ADAMTSL3: variants seen among roughly 807,000 people sequenced by gnomAD.
ADAMTSL3 encodes ADAMTS-like protein 3.
ADAMTSL3 carries 128 observed loss-of-function variants against 201.7 expected under a neutral mutation model. The ratio of observed to expected loss-of-function variants is 0.63; its 90% CI spans 0.55 to 0.73. The LOEUF (loss-of-function observed/expected upper bound fraction) is 0.73. Ranked by LOEUF, ADAMTSL3 falls within the 30% of genes least tolerant of loss-of-function variation. The probability of loss-of-function intolerance (pLI) is 0.00; values close to 1 mark genes in which losing one functional copy is unlikely to be tolerated. For synonymous variants in ADAMTSL3, 738 were observed against 748.4 expected, an observed-to-expected ratio of 0.99 and a Z score of 0.23; for missense variants, 1,990 against 2,119.6, an observed-to-expected ratio of 0.94 and a Z score of 1.20.
chr15:83,735,172 G>A (rs1246888101), intron 3 of ADAMTSL3, among the ~76,000 whole-genome samples: 6 of 152,052 alleles, frequency 3.9e-5, no homozygotes. Flanking sequence ...CCAGAAGTAG[G>A]TGACAAAGAG....
intron 8 of ADAMTSL3, among the ~76,000 whole-genome samples, chr15:83,859,307 T>C (rs72746979): frequency 0.1 from 15,648 of 152,190 alleles, 1,032 homozygotes; most frequent in East Asian, 0.34. Context: ...CCTAAAGACT[T>C]GGAGTCAGCA....
At chr15:84,000,998 CTG>C (rs2067782599) in intron 23 of ADAMTSL3, among the ~76,000 whole-genome samples, 1 of 152,172 alleles carries the variant, frequency 6.6e-6, no homozygotes. Flanking sequence ...GTGAACCAAT[CTG>C]TATTTCAAAA....
chr15:83,770,921 G>T (rs57785172), intron 3 of ADAMTSL3, among the ~76,000 whole-genome samples: 6,756 of 152,136 alleles, frequency 0.044, 466 homozygotes, highest in African/African-American at 0.15. Flanking sequence ...CAAAAAATTA[G>T]CCGGGTGTGG....
At chr15:84,017,849 G>A (rs143883910) in intron 25 of ADAMTSL3, among the ~76,000 whole-genome samples, 164 of 152,286 alleles carry the variant, frequency 1.1e-3, no homozygotes, top group African/African-American at 3.6e-3. Flanking sequence ...TCTGAAGAGG[G>A]AGGCAGTCAC....
chr15:83,833,640 T>C (rs544744676), intron 6 of ADAMTSL3, among the ~76,000 whole-genome samples: 2 of 152,320 alleles, frequency 1.3e-5, no homozygotes, highest in South Asian at 4.1e-4. Flanking sequence ...ACTTTTTATA[T>C]TGGTACAAGT....
intron 19 of ADAMTSL3, among the ~76,000 whole-genome samples, chr15:83,947,398 G>A (rs1275214282): frequency 6.6e-6 from 1 of 152,216 alleles, no homozygotes; most frequent in Non-Finnish European, 1.5e-5. Flanking sequence ...TGGCTTATGA[G>A]TTTGCCTTGG....
At chr15:83,854,555 G>A (rs1202133329) in intron 7 of ADAMTSL3, among the ~76,000 whole-genome samples, 4 of 152,118 alleles carry the variant, frequency 2.6e-5, no homozygotes, top group Admixed American at 2.0e-4. Flanking sequence ...ATAGATCCAT[G>A]TTTCCCTGTA....
At position 83,866,394 on chromosome 15, in the gene ADAMTSL3, T is replaced by C. The variant is rs190134219; in HGVS notation, c.803-4408T>C. On this transcript the variant is annotated intron_variant, in intron 8 of 29. Transcript: ENST00000286744. ...ACAATGATAGACTGGATTAAGAAAA[T>C]GTGGCACATATACACCATGGAATAC... Among the ~76,000 whole-genome samples, 3 of 152,044 alleles carry C rather than the reference T, an allele frequency of 2.0e-5. No individual in the cohort carries two copies. In the East Asian group the frequency reaches 5.8e-4, roughly 29 times the overall value.
intron 16 of ADAMTSL3, among the ~76,000 whole-genome samples, chr15:83,920,945 A>G (rs1009250136): frequency 5.3e-5 from 8 of 152,130 alleles, no homozygotes; most frequent in African/African-American, 1.9e-4. Flanking sequence ...CCCCCCACTT[A>G]TTGTTATATT....
At chr15:83,921,483 A>C (rs1223966373) in intron 16 of ADAMTSL3, among the ~76,000 whole-genome samples, 1 of 152,118 alleles carries the variant, frequency 6.6e-6, no homozygotes, top group Non-Finnish European at 1.5e-5. Flanking sequence ...ATTTTAAAAA[A>C]TCTCTCCTGG....
chr15:84,014,672 A>G lies in ADAMTSL3; in HGVS notation c.4104A>G (p.Ile1368Met), dbSNP rs2068059160. 3.1e-6 allele frequency: 5 copies of G among 1,610,858 alleles called. No homozygotes were observed. In the South Asian group the frequency reaches 4.4e-5, roughly 14 times the overall value. ...AAAATGAAGGAACCTACGTCTGCAT[A>G]GCCACCAATGCTCTTGGAAAGGCAG... ...SLENEGTYVC[I>M]ATNALGKAVA... The change falls in exon 24 of 30, where the codon ATA becomes ATG. Residue 1368 changes from isoleucine (I) to methionine (M), a missense_variant. Coordinates refer to ENST00000286744, the MANE Select transcript of ADAMTSL3 (RefSeq NM_207517.3).
chr15:83,909,465 A>G (rs2401175), intron 15 of ADAMTSL3, among the ~76,000 whole-genome samples: 2 of 152,022 alleles, frequency 1.3e-5, no homozygotes, highest in African/African-American at 2.4e-5. Context: ...GAATCTCTAC[A>G]TGAAGAATCC....
chr15:83,706,348 C>A (rs1472239231), intron 3 of ADAMTSL3, among the ~76,000 whole-genome samples: 1 of 152,154 alleles, frequency 6.6e-6, no homozygotes, highest in African/African-American at 2.4e-5. Context: ...TAAAGCAGAT[C>A]TGAAAAGTGT....
chr15:83,792,501 A>C (rs1354957218), intron 4 of ADAMTSL3, among the ~76,000 whole-genome samples: 1 of 152,154 alleles, frequency 6.6e-6, no homozygotes, highest in Non-Finnish European at 1.5e-5. Context: ...TATTAAAACT[A>C]GAGATATCAG....
chr15:83,919,880 G>T (rs550989466), intron 16 of ADAMTSL3, among the ~76,000 whole-genome samples: 1 of 152,260 alleles, frequency 6.6e-6, no homozygotes, highest in South Asian at 2.1e-4. Flanking sequence ...CAGGGAAAAG[G>T]CTAGTGAGGA....
intron 6 of ADAMTSL3, among the ~76,000 whole-genome samples, chr15:83,837,047 G>A (rs1329989361): frequency 6.6e-6 from 1 of 151,974 alleles, no homozygotes; most frequent in Non-Finnish European, 1.5e-5. Flanking sequence ...CTCATATAAG[G>A]AAGCTTATAA....
chr15:83,682,402 C>G (rs1405877697), intron 2 of ADAMTSL3, among the ~76,000 whole-genome samples: 1 of 152,206 alleles, frequency 6.6e-6, no homozygotes, highest in Non-Finnish European at 1.5e-5. Context: ...CTACTTGTCA[C>G]ACTACCTTAG....
chr15:83,942,886 C>T lies in ADAMTSL3; in HGVS notation c.2311-17C>T. ...AGTGGGCCAAGCCTGCCGCCTCACCCCCTCTTGTCTTCTTAGTGTTCCAGG... is the reference window on the plus strand; with the variant it reads ...AGTGGGCCAAGCCTGCCGCCTCACCTCCTCTTGTCTTCTTAGTGTTCCAGG... On this transcript the variant is annotated splice_polypyrimidine_tract_variant and intron_variant, in intron 18 of 29. Transcript: ENST00000286744. The T allele has an allele frequency of 6.2e-7, 1 of 1,609,124 alleles. No homozygotes were observed.
In ADAMTSL3 at chr15:83,898,120, C is replaced by A. The variant is rs946048898; in HGVS notation, c.1615+115C>A. Reference sequence around the variant, plus strand: ...TTTCTTATAAAAATTGTTTTATTGACAGATTGCAATAGACCTTCCCATCTA... The same window carrying A: ...TTTCTTATAAAAATTGTTTTATTGAAAGATTGCAATAGACCTTCCCATCTA... On this transcript the variant is annotated intron_variant, in intron 14 of 29. Transcript: ENST00000286744. The A allele has an allele frequency of 3.5e-5, 43 of 1,222,782 alleles. No individual in the cohort carries two copies. In the African/African-American group the frequency reaches 6.0e-4, roughly 17 times the overall value. The allele number at this position is 1,222,782 out of a possible 1,614,324, so 75.7% of individuals were successfully genotyped here. A position where few individuals can be genotyped will look rare whatever the true frequency, so the allele number is the denominator to read the frequency against.
Sources: gnomAD v4.1 joint callset for allele counts (sites outside exome capture counted in the v4.1 genomes callset) on GRCh38, gnomAD v4.1.1 for gene constraint, MANE v1.5 for transcripts, NCBI Gene and HGNC (gene_info 2026-07-23, HGNC 2026-07-21) for gene names.